The following STAU2 variants were observed in gnomAD, a reference collection of about 807,000 sequenced individuals.
STAU2 encodes double-stranded RNA-binding protein Staufen homolog 2.
STAU2 carries 20 observed loss-of-function variants against 65.9 expected under a neutral mutation model. The observed-to-expected ratio is 0.30, with a 90% confidence interval of 0.21 to 0.44. The LOEUF is 0.44. STAU2 is among the 20% of genes least tolerant of loss of function. STAU2 has a pLI of 1.00. For synonymous variants in STAU2, 232 were observed against 233.9 expected (o/e 0.99, Z 0.07); for missense variants, 558 against 683.9 (o/e 0.82, Z 2.05).
intron 5 of STAU2, among the ~76,000 whole-genome samples, chr8:73,687,435 TTATAATATATAAATA>T (rs1382059837): frequency 7.5e-5 from 10 of 133,928 alleles, no homozygotes; most frequent in Non-Finnish European, 1.4e-4. Context: ...AAATATATAT[TTATAATATATAAATA>T]TATAATATAT....
At chr8:73,578,073 T>C (rs1809711225) in intron 12 of STAU2, among the ~76,000 whole-genome samples, 1 of 152,162 alleles carries the variant, frequency 6.6e-6, no homozygotes, top group African/African-American at 2.4e-5. Context: ...CTCTTATGCT[T>C]AGAAAAACTA....
At chr8:73,689,537 C>T (rs1189957298) in intron 4 of STAU2, among the ~76,000 whole-genome samples, 1 of 152,108 alleles carries the variant, frequency 6.6e-6, no homozygotes, top group Admixed American at 6.6e-5. Flanking sequence ...AAAGGCTCTA[C>T]CTGTGCATCC....
chr8:73,592,165 T>TAAA (rs1810868995), intron 11 of STAU2, among the ~76,000 whole-genome samples: 1 of 151,420 alleles, frequency 6.6e-6, no homozygotes, highest in Admixed American at 6.6e-5. Flanking sequence ...TCAATGCAAC[T>TAAA]AAAACCTAAT....
intron 10 of STAU2, among the ~76,000 whole-genome samples, chr8:73,599,360 A>C (rs1007153305): frequency 7.9e-5 from 12 of 152,240 alleles, no homozygotes; most frequent in Admixed American, 7.2e-4. Flanking sequence ...TTAAAATGCC[A>C]TATAACTGCA....
chr8:73,680,563 C>G (rs1193511290), intron 5 of STAU2, among the ~76,000 whole-genome samples: 1 of 152,046 alleles, frequency 6.6e-6, no homozygotes, highest in Non-Finnish European at 1.5e-5. Context: ...GGTTCTATAA[C>G]ACCCTCAAAA....
chr8:73,736,005 A>C (rs1028273762), intron 3 of STAU2, among the ~76,000 whole-genome samples: 2 of 152,230 alleles, frequency 1.3e-5, no homozygotes, highest in African/African-American at 4.8e-5. Context: ...ATAAGGTCTC[A>C]TAATGCTTCC....
At chr8:73,554,111 T>C (rs1563418171) in intron 12 of STAU2, among the ~76,000 whole-genome samples, 1 of 152,236 alleles carries the variant, frequency 6.6e-6, no homozygotes, top group East Asian at 1.9e-4. Context: ...ACTTTCTTTG[T>C]TCTTGGCAGT....
intron 3 of STAU2, among the ~76,000 whole-genome samples, chr8:73,714,993 A>T (rs2130674190): frequency 6.6e-6 from 1 of 151,880 alleles, no homozygotes; most frequent in East Asian, 1.9e-4. Context: ...AGGCGAGAGA[A>T]TCACTTGAAC....
At chr8:73,574,529 G>A (rs1484021435) in intron 12 of STAU2, among the ~76,000 whole-genome samples, 2 of 152,142 alleles carry the variant, frequency 1.3e-5, no homozygotes, top group East Asian at 3.8e-4. Context: ...ATGATAGACT[G>A]GATTAAGAAA....
intron 6 of STAU2, among the ~76,000 whole-genome samples, chr8:73,649,793 T>C (rs538166867): frequency 6.7e-6 from 1 of 148,910 alleles, no homozygotes. Context: ...TTAGATATCT[T>C]TGAGAGCACA....
At chr8:73,703,084 T>C (rs1311244046) in intron 4 of STAU2, among the ~76,000 whole-genome samples, 2 of 152,172 alleles carry the variant, frequency 1.3e-5, no homozygotes, top group African/African-American at 2.4e-5. Flanking sequence ...AAAGGTAATA[T>C]ATGTCTGATA....
At chr8:73,425,732 G>C (rs1279525522) in intron 13 of STAU2, among the ~76,000 whole-genome samples, 2 of 152,008 alleles carry the variant, frequency 1.3e-5, no homozygotes, top group Admixed American at 1.3e-4. Flanking sequence ...AATGTAAAAA[G>C]TATCCACAAT....
intron 6 of STAU2, among the ~76,000 whole-genome samples, chr8:73,654,253 T>C (rs1338182364): frequency 6.6e-6 from 1 of 152,134 alleles, no homozygotes; most frequent in African/African-American, 2.4e-5. Flanking sequence ...TATTATTTTA[T>C]AAATGGGAGG....
intron 9 of STAU2, among the ~76,000 whole-genome samples, chr8:73,609,323 T>C (rs1812265224): frequency 6.6e-6 from 1 of 151,752 alleles, no homozygotes; most frequent in Non-Finnish European, 1.5e-5. Flanking sequence ...TTTGATAAAA[T>C]ACTGGTTTCA....
chr8:73,481,932 A>G (rs1216947442), intron 13 of STAU2, among the ~76,000 whole-genome samples: 2 of 152,160 alleles, frequency 1.3e-5, no homozygotes, highest in Non-Finnish European at 2.9e-5. Flanking sequence ...TTCTGAGTCC[A>G]GTTTCCCTAC....
rs115350900 is a variant in STAU2 at position 73,564,117 on chromosome 8, G to C, written c.1223-11798C>G. Among the ~76,000 whole-genome samples, 5 of 152,206 alleles carry C rather than the reference G, an allele frequency of 3.3e-5. No individual in the cohort carries two copies. In the South Asian group the frequency reaches 1.0e-3, roughly 32 times the overall value. ...ATTCCAGATCACAACTTCTCCCTTG[G>C]GGTAAAGGTGAGTGGAATGTGCATC... On this transcript the variant is annotated intron_variant, in intron 12 of 14. Coordinates refer to ENST00000524300, the MANE Select transcript of STAU2 (RefSeq NM_001164380.2).
intron 6 of STAU2, among the ~76,000 whole-genome samples, chr8:73,637,708 A>AACAAAAACAAAAACAAAC (rs1814652737): frequency 6.6e-6 from 1 of 151,928 alleles, no homozygotes; most frequent in Non-Finnish European, 1.5e-5. Flanking sequence ...CTTCAGAGAA[A>AACAAAAACAAAAACAAAC]ACAAAAACAA....
At chr8:73,726,741 TC>T (rs762436436) in intron 3 of STAU2, among the ~76,000 whole-genome samples, 10 of 152,236 alleles carry the variant, frequency 6.6e-5, no homozygotes, top group Non-Finnish European at 1.5e-4. Flanking sequence ...TCCCCTCGTG[TC>T]TTGAACATTT....
intron 13 of STAU2, among the ~76,000 whole-genome samples, chr8:73,521,773 A>G (rs1823054924): frequency 1.3e-5 from 2 of 152,220 alleles, no homozygotes; most frequent in Admixed American, 6.5e-5. Flanking sequence ...TATGATATTC[A>G]GTAGGTTAGG....
Sources: gnomAD v4.1 joint callset for allele counts (sites outside exome capture counted in the v4.1 genomes callset) on GRCh38, gnomAD v4.1.1 for gene constraint, MANE v1.5 for transcripts, NCBI Gene and HGNC (gene_info 2026-07-23, HGNC 2026-07-21) for gene names.